The following L3MBTL4 variants were observed in gnomAD, a reference collection of about 807,000 sequenced individuals.
L3MBTL4 encodes lethal(3)malignant brain tumor-like protein 4.
Under a neutral mutation model 84.5 loss-of-function variants are expected in L3MBTL4, and 70 were observed. The observed-to-expected ratio is 0.83, with a 90% confidence interval of 0.68 to 1.01. The LOEUF is 1.01. Among genes scored for constraint, L3MBTL4 ranks in the 50% least tolerant of loss-of-function variants. The pLI is 0.00. For synonymous variants in L3MBTL4, 274 were observed against 259.8 expected, an observed-to-expected ratio of 1.05 and a Z score of -0.52; for missense variants, 715 against 754.8, an observed-to-expected ratio of 0.95 and a Z score of 0.62.
chr18:6,264,652 C>G (rs188674092), intron 4 of L3MBTL4, among the ~76,000 whole-genome samples: 7 of 152,086 alleles, frequency 4.6e-5, no homozygotes, highest in Non-Finnish European at 8.8e-5. Flanking sequence ...GGCATCGTGG[C>G]GGGTGCCTGT....
At chr18:6,333,707 C>G (rs1245833808) in intron 1 of L3MBTL4, among the ~76,000 whole-genome samples, 1 of 137,432 alleles carries the variant, frequency 7.3e-6, no homozygotes, top group African/African-American at 3.3e-5. Context: ...AAGAGAACAA[C>G]CACAAACAAA....
intron 16 of L3MBTL4, among the ~76,000 whole-genome samples, chr18:6,077,056 T>C (rs2057877734): frequency 6.6e-6 from 1 of 152,134 alleles, no homozygotes; most frequent in Non-Finnish European, 1.5e-5. Flanking sequence ...CCATTCTCTG[T>C]GGAACACTCA....
chr18:6,154,197 T>C (rs1435496363), intron 13 of L3MBTL4, among the ~76,000 whole-genome samples: 1 of 152,200 alleles, frequency 6.6e-6, no homozygotes. Flanking sequence ...TCCAATACTA[T>C]TAGTGTATTG....
intron 1 of L3MBTL4, among the ~76,000 whole-genome samples, chr18:6,365,676 T>C (rs2053904885): frequency 6.6e-6 from 1 of 152,208 alleles, no homozygotes; most frequent in Non-Finnish European, 1.5e-5. Flanking sequence ...AAATCCAGGC[T>C]ACTATCTCTA....
intron 15 of L3MBTL4, among the ~76,000 whole-genome samples, chr18:6,091,054 A>C (rs570081927): frequency 7.0e-4 from 106 of 152,280 alleles, no homozygotes; most frequent in Non-Finnish European, 1.3e-3. Flanking sequence ...GAAAGATAGA[A>C]TTTAAATATT....
chr18:6,093,285 T>C, intron 15 of L3MBTL4, 70 bp downstream of exon 15: 3 of 1,192,518 alleles, frequency 2.5e-6, no homozygotes, highest in South Asian at 3.6e-5. Flanking sequence ...ACTATTACTA[T>C]TAACAAAATT....
chr18:6,221,635 C>T (rs894962137), intron 10 of L3MBTL4, among the ~76,000 whole-genome samples: 2 of 152,208 alleles, frequency 1.3e-5, no homozygotes, highest in Non-Finnish European at 2.9e-5. Flanking sequence ...TTGAGGTTTA[C>T]TGAGTGCTCT....
chr18:6,318,404 G>A (rs1375715967), intron 1 of L3MBTL4, among the ~76,000 whole-genome samples: 4 of 142,806 alleles, frequency 2.8e-5, no homozygotes, highest in African/African-American at 1.0e-4. Context: ...GTAAAGTGGT[G>A]AAAAAAGATA....
At chr18:6,221,046 G>A (rs2046529761) in intron 10 of L3MBTL4, among the ~76,000 whole-genome samples, 1 of 152,026 alleles carries the variant, frequency 6.6e-6, no homozygotes, top group South Asian at 2.1e-4. Flanking sequence ...CATATTAGAA[G>A]GCCATGTAAG....
At chr18:6,329,575 T>TA (rs1177858315) in intron 1 of L3MBTL4, among the ~76,000 whole-genome samples, 1 of 152,214 alleles carries the variant, frequency 6.6e-6, no homozygotes, top group African/African-American at 2.4e-5. Context: ...ATTTATTTCT[T>TA]ACACTTATGG....
intron 1 of L3MBTL4, among the ~76,000 whole-genome samples, chr18:6,376,102 G>A (rs1004537680): frequency 6.6e-6 from 1 of 152,128 alleles, no homozygotes; most frequent in East Asian, 1.9e-4. Flanking sequence ...CGACCCCACT[G>A]TCTCAGTCTG....
At chr18:6,053,343 G>A (rs560262093) in intron 16 of L3MBTL4, among the ~76,000 whole-genome samples, 26 of 152,308 alleles carry the variant, frequency 1.7e-4, no homozygotes, top group Admixed American at 2.6e-4. Flanking sequence ...AATAAGTGAA[G>A]ATTTCCTGCT....
chr18:6,025,864 C>A (rs898354715), intron 16 of L3MBTL4, among the ~76,000 whole-genome samples: 1 of 152,252 alleles, frequency 6.6e-6, no homozygotes, highest in South Asian at 2.1e-4. Flanking sequence ...ACCAGCCTGC[C>A]GCTCACTTCC....
At chr18:6,208,308 TG>T (rs2045958343) in intron 12 of L3MBTL4, among the ~76,000 whole-genome samples, 1 of 152,156 alleles carries the variant, frequency 6.6e-6, no homozygotes, top group African/African-American at 2.4e-5. Context: ...TTGAACTTAT[TG>T]GTCTGACATA....
At chr18:6,033,432 C>A (rs1352512458) in intron 16 of L3MBTL4, among the ~76,000 whole-genome samples, 1 of 152,138 alleles carries the variant, frequency 6.6e-6, no homozygotes, top group Non-Finnish European at 1.5e-5. Flanking sequence ...ATTCTGCCAA[C>A]CTCTGTCTTT....
intron 16 of L3MBTL4, among the ~76,000 whole-genome samples, chr18:6,022,694 A>C (rs1632611): frequency 0.17 from 25,639 of 152,214 alleles, 2,697 homozygotes; most frequent in African/African-American, 0.29. Flanking sequence ...TGTTGATTTG[A>C]GAAAATTAAG....
At chr18:6,261,602 G>A (rs759352075) in intron 5 of L3MBTL4, among the ~76,000 whole-genome samples, 3 of 152,188 alleles carry the variant, frequency 2.0e-5, no homozygotes, top group Non-Finnish European at 2.9e-5. Flanking sequence ...AAGGGGGAAA[G>A]CTACATGACC....
chr18:6,373,354 CA>C, intron 1 of L3MBTL4, among the ~76,000 whole-genome samples: 1 of 152,276 alleles, frequency 6.6e-6, no homozygotes, highest in South Asian at 2.1e-4. Flanking sequence ...GCATGCTCTC[CA>C]ACAGGTTTAA....
At chr18:6,203,917 CT>C (rs2045757206) in intron 12 of L3MBTL4, among the ~76,000 whole-genome samples, 1 of 152,226 alleles carries the variant, frequency 6.6e-6, no homozygotes, top group African/African-American at 2.4e-5. Flanking sequence ...GAAGCCTCAG[CT>C]GCCACATGGC....
Sources: allele counts gnomAD v4.1 joint callset (sites outside exome capture counted in the v4.1 genomes callset), GRCh38; gene constraint gnomAD v4.1.1; transcripts MANE v1.5; gene names NCBI Gene and HGNC (gene_info 2026-07-23, HGNC 2026-07-21).